FBRSL1: variants seen among roughly 807,000 people sequenced by gnomAD.
The protein encoded by FBRSL1 is fibrosin like 1, also known as fibrosin-1-like protein.
In FBRSL1, 51 loss-of-function variants were observed where a neutral mutation model predicts 89.6. The observed-to-expected ratio is 0.57, with a 90% CI of 0.45 to 0.72. The LOEUF (loss-of-function observed/expected upper bound fraction) is 0.72. Ranked by LOEUF, FBRSL1 falls within the 30% of genes least tolerant of loss-of-function variation. The probability of loss-of-function intolerance (pLI) is 0.00; values close to 1 mark genes in which losing one functional copy is unlikely to be tolerated. For missense variants in FBRSL1, 1,618 were observed against 1,451.8 expected (o/e 1.11, Z -1.86); for synonymous variants, 779 against 681.1 (o/e 1.14, Z -2.24).
chr12:132,550,924 G>A (rs909677785), intron 5 of FBRSL1: 5 of 180,178 alleles, frequency 2.8e-5, no homozygotes, highest in Non-Finnish European at 4.8e-5. Flanking sequence ...CTTACGCTGG[G>A]CGGAGGGTGT....
In FBRSL1 at chr12:132,534,317, C is replaced by T. The variant is rs909244442; in HGVS notation, c.615+6329C>T. On this transcript the variant is annotated intron_variant, in intron 4 of 18. Coordinates refer to ENST00000680143, the MANE Select transcript of FBRSL1 (RefSeq NM_001367871.1). The stretch of plus-strand genomic sequence containing the variant: ...AGGGAGTGTCTGCGTGTGAGAACAC[C>T]TTCATCTCCATGGCATTTAGATCAT... 2.0e-5 allele frequency among the ~76,000 whole-genome samples: 3 copies of T among 152,344 alleles called. No individual in the cohort carries two copies. The East Asian group carries it at 5.8e-4, about 29-fold the overall frequency.
intron 2 of FBRSL1, among the ~76,000 whole-genome samples, chr12:132,515,899 C>CAAAAAAA (rs60767937): frequency 1.5e-5 from 1 of 65,608 alleles, no homozygotes; most frequent in Non-Finnish European, 2.9e-5. Flanking sequence ...GACTCCGTCT[C>CAAAAAAA]AAAAAAAAAA....
At chr12:132,561,364 C>G (rs1383512270) in intron 5 of FBRSL1, among the ~76,000 whole-genome samples, 1 of 152,174 alleles carries the variant, frequency 6.6e-6, no homozygotes, top group African/African-American at 2.4e-5. Flanking sequence ...CCTTGTGGCC[C>G]TGGGGAGCTT....
intron 11 of FBRSL1, among the ~76,000 whole-genome samples, chr12:132,573,542 A>T (rs1387825576): frequency 6.6e-6 from 1 of 152,178 alleles, no homozygotes; most frequent in Non-Finnish European, 1.5e-5. Flanking sequence ...GAGCCCAGAC[A>T]GCCAGGACGC....
intron 6 of FBRSL1, among the ~76,000 whole-genome samples, chr12:132,569,088 C>T (rs4883516): frequency 0.24 from 35,745 of 152,036 alleles, 4,885 homozygotes; most frequent in South Asian, 0.32. Flanking sequence ...GCCCCCTGAC[C>T]GTGGCAGCTC....
intron 1 of FBRSL1, among the ~76,000 whole-genome samples, chr12:132,491,491 C>G (rs905687671): frequency 3.9e-5 from 6 of 152,272 alleles, no homozygotes; most frequent in African/African-American, 1.4e-4. Context: ...GGGGCAGGCG[C>G]TGTCTCCCCA....
At chr12:132,512,503 C>T (rs992879115) in intron 2 of FBRSL1, among the ~76,000 whole-genome samples, 4 of 152,258 alleles carry the variant, frequency 2.6e-5, no homozygotes. Context: ...CTCAGAGTCA[C>T]CCACACAAGC....
At chr12:132,503,025 C>T (rs1479591866) in intron 1 of FBRSL1, among the ~76,000 whole-genome samples, 2 of 151,930 alleles carry the variant, frequency 1.3e-5, no homozygotes, top group Non-Finnish European at 2.9e-5. Context: ...TCCCGGCCCG[C>T]ACAGGGCCAG....
At position 132,583,810 on chromosome 12, in the gene FBRSL1, GCGCAC is replaced by G; in HGVS notation, c.*36_*40del. The G allele has an allele frequency of 8.7e-7, 1 of 1,155,330 alleles. No individual in the cohort carries two copies. The highest frequency in any genetic ancestry group is 3.4e-5 in the East Asian group (1 of 29,254). 71.6% of individuals were successfully genotyped at this position (1,155,330 alleles called of 1,614,324 possible). A position where few individuals can be genotyped will look rare whatever the true frequency, so the allele number is the denominator to read the frequency against. ...GGCCGCAGACGCCTCTCCGAGCGGA[GCGCAC>G]CGCTGTCCGTCTCTCCATCAGTTCC... On this transcript the variant is annotated 3_prime_UTR_variant, in exon 19 of 19. Coordinates refer to ENST00000680143, the MANE Select transcript of FBRSL1 (RefSeq NM_001367871.1).
chr12:132,542,699 C>T (rs2037364301), intron 4 of FBRSL1, among the ~76,000 whole-genome samples: 1 of 152,216 alleles, frequency 6.6e-6, no homozygotes, highest in South Asian at 2.1e-4. Context: ...CTTGGCCCCT[C>T]TGTCTCCTAT....
intron 5 of FBRSL1, among the ~76,000 whole-genome samples, chr12:132,556,925 A>G (rs2038725044): frequency 6.6e-6 from 1 of 151,982 alleles, no homozygotes; most frequent in Non-Finnish European, 1.5e-5. Flanking sequence ...ATTCAAGGAC[A>G]CGTGCCCCGC....
Position 132,572,181 on chromosome 12 carries a change from G to A in FBRSL1, c.1378-107G>A, listed in dbSNP as rs549671506. On this transcript the variant is annotated intron_variant, in intron 9 of 18. Coordinates refer to ENST00000680143, the MANE Select transcript of FBRSL1 (RefSeq NM_001367871.1). ...TGGCCGAAGCCGCCAGCCTCAGGAA[G>A]CACAACGCCGTCCTGTCACTGCCCA... The A allele has an allele frequency of 3.3e-4, 335 of 1,024,280 alleles. 1 individual carries two copies. In the African/African-American group the frequency reaches 5.0e-3, roughly 15 times the overall value. 63.4% of individuals were successfully genotyped at this position (1,024,280 alleles called of 1,614,324 possible). A position where few individuals can be genotyped will look rare whatever the true frequency, so the allele number is the denominator to read the frequency against.
In FBRSL1 at chr12:132,576,907, G is replaced by T; in HGVS notation, c.1810G>T (p.Ala604Ser). 2 of 1,549,868 alleles carry T rather than the reference G, an allele frequency of 1.3e-6. No homozygotes were observed. The highest frequency in any genetic ancestry group is 1.7e-6 in the Non-Finnish European group (2 of 1,146,522). ...AGGCTTCCACTACCCACAGGACCTGGCCCGGCCCCTCTTCCCCAGCACAGG... is the reference window on the plus strand; with the variant it reads ...AGGCTTCCACTACCCACAGGACCTGTCCCGGCCCCTCTTCCCCAGCACAGG... ...FAGFHYPQDLARPLFPSTGAA... is the reference protein window; with the variant it reads ...FAGFHYPQDLSRPLFPSTGAA... Residue 604 changes from alanine to serine, a missense_variant, in exon 15 of 19, where the codon GCC becomes TCC. Transcript: ENST00000680143.
chr12:132,526,644 T>G (rs1482641374), intron 3 of FBRSL1, among the ~76,000 whole-genome samples: 1 of 152,070 alleles, frequency 6.6e-6, no homozygotes, highest in Non-Finnish European at 1.5e-5. Context: ...GACTCTGCAG[T>G]GGGGGTTGTG....
intron 6 of FBRSL1, among the ~76,000 whole-genome samples, chr12:132,568,854 G>A (rs968095827): frequency 2.0e-5 from 3 of 152,050 alleles, no homozygotes; most frequent in African/African-American, 7.2e-5. Flanking sequence ...CAGGTGAAGA[G>A]TGAAGATGGG....
chr12:132,505,892 CAA>C (rs773538349), intron 1 of FBRSL1, among the ~76,000 whole-genome samples: 1 of 152,266 alleles, frequency 6.6e-6, no homozygotes, highest in Non-Finnish European at 1.5e-5. Context: ...GCTGGCATCT[CAA>C]GAGCAGAGTG....
At chr12:132,508,499 G>A (rs756404876) in intron 2 of FBRSL1, 149 bp downstream of exon 2, 30 of 1,012,342 alleles carry the variant, frequency 3.0e-5, no homozygotes, top group Non-Finnish European at 3.2e-5. Flanking sequence ...TGCAGGACAC[G>A]TGGACAGGGC....
intron 2 of FBRSL1, among the ~76,000 whole-genome samples, chr12:132,523,563 T>C (rs780490725): frequency 1.1e-4 from 17 of 152,212 alleles, no homozygotes; most frequent in Admixed American, 8.5e-4. Flanking sequence ...TGTGTGGGTG[T>C]TTCCGACCCA....
At position 132,581,606 on chromosome 12, in the gene FBRSL1, G is replaced by A. The variant is rs563796504; in HGVS notation, c.1912+90G>A. On this transcript the variant is annotated intron_variant, in intron 16 of 18. Transcript: ENST00000680143. ...ATTAGGTGGGCGGGAAGGTGGCCCC[G>A]AGCCCCAGGGAGCCCCTTGGGTCAT... is the stretch of plus-strand genomic sequence containing the variant. 3.4e-5 allele frequency: 51 copies of A among 1,484,814 alleles called. No individual in the cohort carries two copies. The Middle Eastern group carries it at 5.7e-4, about 16-fold the overall frequency. The allele number at this position is 1,484,814 out of a possible 1,614,324, so 92.0% of individuals were successfully genotyped here.
Sources: gnomAD v4.1 joint callset for allele counts (sites outside exome capture counted in the v4.1 genomes callset) on GRCh38, gnomAD v4.1.1 for gene constraint, MANE v1.5 for transcripts, NCBI Gene and HGNC (gene_info 2026-07-23, HGNC 2026-07-21) for gene names.